Variants in SV2C observed in about 807,000 individuals in gnomAD.
SV2C encodes synaptic vesicle glycoprotein 2C.
SV2C carries 49 observed loss-of-function variants against 79.7 expected under a neutral mutation model. The observed-to-expected ratio is 0.61, with a 90% confidence interval of 0.49 to 0.78. The LOEUF (loss-of-function observed/expected upper bound fraction) is 0.78, where lower values mean the gene tolerates loss of function less well. Ranked by LOEUF, SV2C falls within the 30% of genes least tolerant of loss-of-function variation. The probability of loss-of-function intolerance (pLI) is 0.00; values close to 1 mark genes in which losing one functional copy is unlikely to be tolerated. For synonymous variants in SV2C, 334 were observed against 333.2 expected, an observed-to-expected ratio of 1.00 and a Z score of -0.03; for missense variants, 833 against 912.9, an observed-to-expected ratio of 0.91 and a Z score of 1.13.
the SV2C span, among the ~76,000 whole-genome samples, chr5:76,020,709 C>T: frequency 6.6e-6 from 1 of 152,162 alleles, no homozygotes; most frequent in African/African-American, 2.4e-5. Flanking sequence ...TCTCAGCCTG[C>T]CTTGCAAGTG....
the SV2C span, among the ~76,000 whole-genome samples, chr5:75,856,955 C>CTT: frequency 6.9e-4 from 89 of 128,508 alleles, no homozygotes; most frequent in African/African-American, 1.8e-3. Context: ...GTCTTTAATC[C>CTT]TTTTTTTTTT....
chr5:75,949,056 G>A, the SV2C span, among the ~76,000 whole-genome samples: 1 of 151,868 alleles, frequency 6.6e-6, no homozygotes, highest in Non-Finnish European at 1.5e-5. Context: ...CCTCACCATA[G>A]TGAGTGAGTT....
Position 76,227,274 on chromosome 5 carries a change from C to A in SV2C, c.913+17387C>A, listed in dbSNP as rs115502480. ...CTGGGCCAGCTCCTTGCAGGAGCACCTTCCCTCTGCCATATGTGGTCTGTG... is the reference window on the plus strand; with the variant it reads ...CTGGGCCAGCTCCTTGCAGGAGCACATTCCCTCTGCCATATGTGGTCTGTG... On this transcript the variant is annotated intron_variant, in intron 4 of 12. Transcript: ENST00000502798. Among the ~76,000 whole-genome samples, 566 of 152,292 alleles carry A rather than the reference C, an allele frequency of 3.7e-3. 3 individuals carry two copies. Among genetic ancestry groups the A allele is most frequent in the African/African-American group, 0.013 (528 of 41,554 alleles).
the SV2C span, among the ~76,000 whole-genome samples, chr5:75,968,857 T>TCAAGACACATAATTGTC: frequency 6.6e-6 from 1 of 152,130 alleles, no homozygotes; most frequent in African/African-American, 2.4e-5. Flanking sequence ...AAGAGCAACT[T>TCAAGACACATAATTGTC]CAAGACACAT....
chr5:75,901,935 G>A, the SV2C span, among the ~76,000 whole-genome samples: 2,558 of 152,256 alleles, frequency 0.017, 36 homozygotes, highest in African/African-American at 0.044. Flanking sequence ...TTTTAAGCCC[G>A]TCAGAAAAGC....
chr5:76,135,683 T>A (rs1749044527), intron 2 of SV2C, among the ~76,000 whole-genome samples: 1 of 152,130 alleles, frequency 6.6e-6, no homozygotes, highest in East Asian at 1.9e-4. Context: ...GAAGTGAAAA[T>A]GTGTCCTGCT....
At chr5:75,956,855 C>T in the SV2C span, among the ~76,000 whole-genome samples, 18 of 152,080 alleles carry the variant, frequency 1.2e-4, no homozygotes, top group Admixed American at 1.2e-3. Context: ...GACTATAAAA[C>T]ATGCAGAGTT....
chr5:75,864,592 T>C, the SV2C span, among the ~76,000 whole-genome samples: 1 of 152,156 alleles, frequency 6.6e-6, no homozygotes, highest in South Asian at 2.1e-4. Context: ...TCTGGCTCTG[T>C]GGTGTACCAT....
At chr5:76,111,183 GA>G (rs1452308003) in intron 1 of SV2C, among the ~76,000 whole-genome samples, 4 of 152,098 alleles carry the variant, frequency 2.6e-5, no homozygotes, top group Admixed American at 6.5e-5. Context: ...TGGGGGAGGA[GA>G]AGTGGGGACG....
intron 4 of SV2C, among the ~76,000 whole-genome samples, chr5:76,233,529 G>A (rs1481828604): frequency 6.9e-6 from 1 of 144,838 alleles, no homozygotes; most frequent in African/African-American, 2.8e-5. Flanking sequence ...GTTTTCAAAG[G>A]GAATGCTTCC....
At chr5:75,994,376 C>A in the SV2C span, among the ~76,000 whole-genome samples, 1 of 152,172 alleles carries the variant, frequency 6.6e-6, no homozygotes, top group East Asian at 1.9e-4. Context: ...ATTTGAGGAA[C>A]TCACAGAGCT....
chr5:75,876,473 G>T, the SV2C span, among the ~76,000 whole-genome samples: 3 of 151,876 alleles, frequency 2.0e-5, no homozygotes, highest in Non-Finnish European at 4.4e-5. Flanking sequence ...TTGGGTACTG[G>T]GCTTAATACC....
the SV2C span, among the ~76,000 whole-genome samples, chr5:76,002,157 C>A: frequency 9.3e-6 from 1 of 107,464 alleles, no homozygotes; most frequent in Non-Finnish European, 2.0e-5. Flanking sequence ...GAGTAGTATT[C>A]CATTTTGTGT....
At chr5:76,002,010 T>C in the SV2C span, among the ~76,000 whole-genome samples, 1 of 152,160 alleles carries the variant, frequency 6.6e-6, no homozygotes, top group South Asian at 2.1e-4. Flanking sequence ...CTTTGTATCC[T>C]CATAGCTTAG....
the SV2C span, chr5:75,911,413 C>A: frequency 3.8e-6 from 4 of 1,059,846 alleles, no homozygotes; most frequent in Non-Finnish European, 4.2e-6. Flanking sequence ...GTCAGCACCC[C>A]CTAGTAGGCC....
At chr5:76,138,149 T>C (rs67451909) in intron 2 of SV2C, among the ~76,000 whole-genome samples, 17,853 of 152,176 alleles carry the variant, frequency 0.12, 1,122 homozygotes, top group Non-Finnish European at 0.14. Flanking sequence ...TTGTTTCCTT[T>C]GTGATTTAGG....
chr5:75,900,663 C>A, the SV2C span, among the ~76,000 whole-genome samples: 1 of 152,144 alleles, frequency 6.6e-6, no homozygotes, highest in Non-Finnish European at 1.5e-5. Context: ...GAGTGTTTTC[C>A]AACTTGGTTC....
chr5:76,217,420 G>A (rs1580360759), intron 4 of SV2C, among the ~76,000 whole-genome samples: 1 of 152,170 alleles, frequency 6.6e-6, no homozygotes, highest in Non-Finnish European at 1.5e-5. Flanking sequence ...TCACAAGAAG[G>A]AATGCACTGT....
the SV2C span, among the ~76,000 whole-genome samples, chr5:75,936,082 T>C: frequency 6.6e-6 from 1 of 152,194 alleles, no homozygotes; most frequent in African/African-American, 2.4e-5. Context: ...AAACAGAAAC[T>C]GATTTAAAAA....
Sources: gnomAD v4.1 joint callset for allele counts (sites outside exome capture counted in the v4.1 genomes callset) on GRCh38, gnomAD v4.1.1 for gene constraint, MANE v1.5 for transcripts, NCBI Gene and HGNC (gene_info 2026-07-23, HGNC 2026-07-21) for gene names.